Variants in FAM118B observed in about 807,000 individuals in gnomAD.
The protein encoded by FAM118B is protein FAM118B.
A neutral mutation model predicts 38.5 loss-of-function variants in FAM118B; 24 were observed. The ratio of observed to expected loss-of-function variants is 0.62; its 90% CI spans 0.45 to 0.88. The LOEUF (loss-of-function observed/expected upper bound fraction) is 0.88, where lower values mean the gene tolerates loss of function less well. Among genes scored for constraint, FAM118B ranks in the 40% least tolerant of loss-of-function variants. The pLI is 0.00. For synonymous variants in FAM118B, 138 were observed against 156.3 expected (o/e 0.88, Z 0.87); for missense variants, 334 against 420.0 (o/e 0.80, Z 1.79).
Position 126,227,630 on chromosome 11 carries a change from C to T in FAM118B, c.-76-1595C>T, listed in dbSNP as rs187933272. Among the ~76,000 whole-genome samples the T allele has an allele frequency of 2.0e-4, 30 of 152,214 alleles. No homozygotes were observed. The East Asian group carries it at 4.1e-3, about 21-fold the overall frequency. On this transcript the variant is annotated intron_variant, in intron 1 of 8. Transcript: ENST00000533050. Reference sequence around the variant, plus strand: ...ACTGTAACACGAATCTACTTCATATCTTTCTTATCCTTCTGTTCTTGGTTT... The same window carrying T: ...ACTGTAACACGAATCTACTTCATATTTTTCTTATCCTTCTGTTCTTGGTTT...
In FAM118B at chr11:126,219,349, C is replaced by CTTTTTTTTTTTTTTT. The variant is rs549922825; in HGVS notation, c.-77+7545_-77+7559dup. Among the ~76,000 whole-genome samples, 15 of 44,464 alleles carry CTTTTTTTTTTTTTTT rather than the reference C, an allele frequency of 3.4e-4. 2 individuals are homozygous for CTTTTTTTTTTTTTTT. The highest frequency in any genetic ancestry group is 1.0e-3 in the Admixed American group (3 of 3,014). 29.2% of individuals were successfully genotyped at this position (44,464 alleles called of 152,430 possible). A position where few individuals can be genotyped will look rare whatever the true frequency, so the allele number is the denominator to read the frequency against. On this transcript the variant is annotated intron_variant, in intron 1 of 8. Transcript: ENST00000533050. ...AGCTTATCCTTCAGCTCTTGTTTAT[C>CTTTTTTTTTTTTTTT]TTTTTTTTTTTTTTTTTTTTTTTTT... is the stretch of plus-strand genomic sequence containing the variant.
Position 126,255,498 on chromosome 11 carries a change from C to G in FAM118B, c.696+1065C>G, listed in dbSNP as rs1186075899. Among the ~76,000 whole-genome samples the G allele has an allele frequency of 1.3e-5, 2 of 152,162 alleles. No individual in the cohort carries two copies. Among genetic ancestry groups the G allele is most frequent in the Non-Finnish European group, 2.9e-5 (2 of 68,028 alleles). The stretch of plus-strand genomic sequence containing the variant: ...TTGTGTGTGTATATGTATACACACA[C>G]ACACACATACTGATGTTCTAAGTAT... On this transcript the variant is annotated intron_variant, in intron 6 of 8. Coordinates refer to ENST00000533050, the MANE Select transcript of FAM118B (RefSeq NM_024556.4). This position sits in a 1 kb window ranked among gnomAD's most constrained non-coding sequence, Gnocchi z 4.6.
rs1950401479 is a variant in FAM118B at position 126,244,884 on chromosome 11, T to G, written c.339+3840T>G. Among the ~76,000 whole-genome samples, 1 of 152,090 alleles carries G rather than the reference T, an allele frequency of 6.6e-6. No homozygotes were observed. Among genetic ancestry groups the G allele is most frequent in the Non-Finnish European group, 1.5e-5 (1 of 68,004 alleles). On this transcript the variant is annotated intron_variant, in intron 4 of 8. Transcript: ENST00000533050. The surrounding 1 kb of genome is among the most constrained non-coding windows in gnomAD (Gnocchi z 4.5). ...AGAAATGAAAGAAGATCTAAATAAATGGAAAGACATGCCATGTTCCTGAAT... is the reference window on the plus strand; with the variant it reads ...AGAAATGAAAGAAGATCTAAATAAAGGGAAAGACATGCCATGTTCCTGAAT...
At chr11:126,211,745 G>A, upstream of FAM118B, 2 of 1,320,806 alleles carry the variant, frequency 1.5e-6, no homozygotes, top group Non-Finnish European at 2.1e-6. Context: ...TGGGGCCTGG[G>A]CGAGTCACGT....
intron 2 of FAM118B, among the ~76,000 whole-genome samples, chr11:126,232,893 T>C (rs1950227125): frequency 6.6e-6 from 1 of 152,146 alleles, no homozygotes; most frequent in Admixed American, 6.6e-5. Context: ...CATAAAAATA[T>C]TTTAAGGACA....
Position 126,235,082 on chromosome 11 carries a change from G to A in FAM118B, c.81G>A (p.Lys27=). 6.2e-7 allele frequency: 1 copy of A among 1,613,916 alleles called. No individual in the cohort carries two copies. The highest frequency in any genetic ancestry group is 8.5e-7 in the Non-Finnish European group (1 of 1,179,914). ...FFNDGEPPTK[K]PRKLLPSLKT... is the part of the protein sequence containing the mutation. ...ACGATGGCGAACCTCCCACCAAAAA[G>A]CCCAGGTAAACAAGAGAAGGGAATC... The change falls in exon 3 of 9, where the codon AAG becomes AAA. Residue 27 remains lysine (K), a synonymous_variant. Transcript: ENST00000533050.
At chr11:126,235,804 C>T (rs1950267176) in intron 3 of FAM118B, among the ~76,000 whole-genome samples, 1 of 151,810 alleles carries the variant, frequency 6.6e-6, no homozygotes, top group African/African-American at 2.4e-5. Context: ...TAGGCGTGAG[C>T]CACTGTGCCC....
chr11:126,231,592 G>A (rs1206392845), intron 2 of FAM118B, among the ~76,000 whole-genome samples: 1 of 152,174 alleles, frequency 6.6e-6, no homozygotes, highest in Non-Finnish European at 1.5e-5. Context: ...GCTGAGCTAC[G>A]TCTCATTCAG....
chr11:126,251,137 C>T (rs1419485989), intron 5 of FAM118B, among the ~76,000 whole-genome samples: 1 of 152,156 alleles, frequency 6.6e-6, no homozygotes, highest in Non-Finnish European at 1.5e-5. Context: ...AGAACAACTT[C>T]CAGGCCAAGC....
chr11:126,236,696 A>G (rs1950278686), intron 3 of FAM118B, among the ~76,000 whole-genome samples: 1 of 150,398 alleles, frequency 6.6e-6, no homozygotes, highest in African/African-American at 2.5e-5. Context: ...ATTTTTTTAA[A>G]ACTCTTGTTA....
rs541585501 is a variant in FAM118B at position 126,252,287 on chromosome 11, C to T, written c.567+1554C>T. ...CAGGCATGAGCCACCACACCCAGCACAGTTTTTATCTTGGCTGTTTATCTG... is the reference window on the plus strand; with the variant it reads ...CAGGCATGAGCCACCACACCCAGCATAGTTTTTATCTTGGCTGTTTATCTG... On this transcript the variant is annotated intron_variant, in intron 5 of 8. Coordinates refer to ENST00000533050, the MANE Select transcript of FAM118B (RefSeq NM_024556.4). This position sits in a 1 kb window ranked among gnomAD's most constrained non-coding sequence, Gnocchi z 4.7. Among the ~76,000 whole-genome samples, 20 of 152,240 alleles carry T rather than the reference C, an allele frequency of 1.3e-4. No individual in the cohort carries two copies. The highest frequency in any genetic ancestry group is 3.4e-3 in the Middle Eastern group (1 of 294).
rs1488304044 is a variant in FAM118B at position 126,262,273 on chromosome 11, G to C, written c.*140G>C. 3.5e-6 allele frequency: 3 copies of C among 846,212 alleles called. No homozygotes were observed. The highest frequency in any genetic ancestry group is 5.8e-6 in the Non-Finnish European group (3 of 515,754). The allele number at this position is 846,212 out of a possible 1,614,324, so 52.4% of individuals were successfully genotyped here. A position where few individuals can be genotyped will look rare whatever the true frequency, so the allele number is the denominator to read the frequency against. ...AGAGGTTGAAGGGCGGGGTAGAAGA[G>C]GGGGGAATGTTGCAGCGTAATCCTT... On this transcript the variant is annotated 3_prime_UTR_variant, in exon 9 of 9. Coordinates refer to ENST00000533050, the MANE Select transcript of FAM118B (RefSeq NM_024556.4).
intron 3 of FAM118B, among the ~76,000 whole-genome samples, chr11:126,236,305 CTT>C (rs972874179): frequency 3.3e-5 from 5 of 152,170 alleles, no homozygotes; most frequent in African/African-American, 1.2e-4. Flanking sequence ...TTGAAAAGGT[CTT>C]TATCATACAC....
At position 126,256,941 on chromosome 11, in the gene FAM118B, C is replaced by T. The variant is rs1950587945; in HGVS notation, c.982+89C>T. 2.2e-6 allele frequency: 3 copies of T among 1,341,840 alleles called. No individual in the cohort carries two copies. Among genetic ancestry groups the T allele is most frequent in the Non-Finnish European group, 2.0e-6 (2 of 976,286 alleles). The allele number at this position is 1,341,840 out of a possible 1,614,324, so 83.1% of individuals were successfully genotyped here. ...TGTGATGTGATGGGCAAAATAGTTG[C>T]CAAGATGAGGAATGTAATGACTGAC... is the stretch of plus-strand genomic sequence containing the variant. On this transcript the variant is annotated intron_variant, in intron 7 of 8. Transcript: ENST00000533050. This position sits in a 1 kb window ranked among gnomAD's most constrained non-coding sequence, Gnocchi z 6.6.
In FAM118B at chr11:126,262,274, G is replaced by C. The variant is rs540941191; in HGVS notation, c.*141G>C. ...GAGGTTGAAGGGCGGGGTAGAAGAGGGGGGAATGTTGCAGCGTAATCCTTC... is the reference window on the plus strand; with the variant it reads ...GAGGTTGAAGGGCGGGGTAGAAGAGCGGGGAATGTTGCAGCGTAATCCTTC... On this transcript the variant is annotated 3_prime_UTR_variant, in exon 9 of 9. Transcript: ENST00000533050. 22 of 840,190 alleles carry C rather than the reference G, an allele frequency of 2.6e-5. No homozygotes were observed. The East Asian group carries it at 3.1e-4, about 12-fold the overall frequency. The allele number at this position is 840,190 out of a possible 1,614,324, so 52.0% of individuals were successfully genotyped here. A position where few individuals can be genotyped will look rare whatever the true frequency, so the allele number is the denominator to read the frequency against.
chr11:126,218,123 T>G (rs1158784879), intron 1 of FAM118B, among the ~76,000 whole-genome samples: 1 of 152,254 alleles, frequency 6.6e-6, no homozygotes, highest in Non-Finnish European at 1.5e-5. Flanking sequence ...TGTGATTTTT[T>G]GCTCAATCTT....
intron 8 of FAM118B, 91 bp downstream of exon 8, chr11:126,261,575 C>A: frequency 2.0e-6 from 2 of 1,007,142 alleles, no homozygotes; most frequent in Non-Finnish European, 3.0e-6. Context: ...TTACTTTGGA[C>A]CTCACATTGC....
rs377285197 is a variant in FAM118B, at chr11:126,254,288, A to T, written c.568-17A>T. 6.3e-5 allele frequency: 102 copies of T among 1,612,590 alleles called. No individual in the cohort carries two copies. The highest frequency in any genetic ancestry group is 8.3e-5 in the Non-Finnish European group (98 of 1,179,222). On this transcript the variant is annotated splice_polypyrimidine_tract_variant and intron_variant, in intron 5 of 8. Transcript: ENST00000533050. ...TCAGCCCTGCCAAGCTGGTTGGGCT[A>T]TATGTGTGTTGTGCAGGTCCTCGAG...
chr11:126,242,507 T>C (rs1329352177), intron 4 of FAM118B, among the ~76,000 whole-genome samples: 1 of 152,160 alleles, frequency 6.6e-6, no homozygotes, highest in Admixed American at 6.5e-5. Flanking sequence ...GCGTATAATA[T>C]CCAGAATCTA....
Sources: allele counts gnomAD v4.1 joint callset (sites outside exome capture counted in the v4.1 genomes callset), GRCh38; gene constraint gnomAD v4.1.1; non-coding constraint Gnocchi (gnomAD v3.1); transcripts MANE v1.5; gene names NCBI Gene and HGNC (gene_info 2026-07-23, HGNC 2026-07-21).